Variants in CTIF observed in about 807,000 individuals in gnomAD.
CTIF encodes the protein CBP80/20-dependent translation initiation factor.
CTIF carries 21 observed loss-of-function variants against 66.0 expected under a neutral mutation model. The observed-to-expected ratio is 0.32, with a 90% CI of 0.23 to 0.46. The LOEUF (loss-of-function observed/expected upper bound fraction) is 0.46, where lower values mean the gene tolerates loss of function less well. Ranked by LOEUF, CTIF falls within the 20% of genes least tolerant of loss-of-function variation. The probability of loss-of-function intolerance (pLI) is 1.00; values close to 1 mark genes in which losing one functional copy is unlikely to be tolerated. For missense variants in CTIF, 739 were observed against 812.7 expected, an observed-to-expected ratio of 0.91 and a Z score of 1.10; for synonymous variants, 345 against 326.4, an observed-to-expected ratio of 1.06 and a Z score of -0.62.
Position 48,687,605 on chromosome 18 carries a change from C to G in CTIF, c.507+16861C>G, listed in dbSNP as rs147632387. 1.7e-3 allele frequency among the ~76,000 whole-genome samples: 260 copies of G among 152,296 alleles called. 1 individual carries two copies. The highest frequency in any genetic ancestry group is 6.2e-3 in the African/African-American group (256 of 41,558). ...GGAAAGACTCTTCCTCAGCAAGCCT[C>G]CAGAGCCCTGGGAGCAGGGCTCTTG... is the stretch of plus-strand genomic sequence containing the variant. On this transcript the variant is annotated intron_variant, in intron 6 of 11. Transcript: ENST00000256413.
chr18:48,804,888 A>G (rs1398668554), intron 9 of CTIF, among the ~76,000 whole-genome samples: 1 of 152,104 alleles, frequency 6.6e-6, no homozygotes, highest in Non-Finnish European at 1.5e-5. Context: ...AGTCCCCAGC[A>G]TCCAGGCCCC....
At chr18:48,579,213 C>T (rs994834954) in intron 1 of CTIF, among the ~76,000 whole-genome samples, 9 of 152,110 alleles carry the variant, frequency 5.9e-5, no homozygotes, top group African/African-American at 1.9e-4. Context: ...CTGCAACCTC[C>T]GCCTCCCAGG....
At chr18:48,594,030 C>G (rs1008798608) in intron 1 of CTIF, among the ~76,000 whole-genome samples, 4 of 152,176 alleles carry the variant, frequency 2.6e-5, no homozygotes, top group Non-Finnish European at 4.4e-5. Flanking sequence ...TTTACCTCTC[C>G]TGTGCCACAG....
At chr18:48,741,420 CTT>C (rs11425141) in intron 7 of CTIF, among the ~76,000 whole-genome samples, 8 of 104,816 alleles carry the variant, frequency 7.6e-5, no homozygotes, top group Non-Finnish European at 9.1e-5. Flanking sequence ...GTGACCAGGG[CTT>C]TTTTTTTTTT....
At chr18:48,768,439 C>T (rs1463011370) in intron 9 of CTIF, among the ~76,000 whole-genome samples, 1 of 152,158 alleles carries the variant, frequency 6.6e-6, no homozygotes, top group African/African-American at 2.4e-5. Context: ...GAGCACTTTC[C>T]TGTGTGTGAA....
rs35554666 is a variant in CTIF at position 48,823,976 on chromosome 18, CCACACACACA to C, written c.1527+6629_1527+6638del. Among the ~76,000 whole-genome samples, 410 of 124,216 alleles carry C rather than the reference CCACACACACA, an allele frequency of 3.3e-3. 3 individuals are homozygous for C. The highest frequency in any genetic ancestry group is 0.01 in the African/African-American group (385 of 37,072). The allele number at this position is 124,216 out of a possible 152,430, so 81.5% of individuals were successfully genotyped here. ...TTATATATAGAAAATCCTAAAGACTCCACACACACACACACACACACACACACACACACAC... is the reference window on the plus strand; with the variant it reads ...TTATATATAGAAAATCCTAAAGACTCCACACACACACACACACACACACAC... On this transcript the variant is annotated intron_variant, in intron 10 of 11. Coordinates refer to ENST00000256413, the MANE Select transcript of CTIF (RefSeq NM_014772.3).
chr18:48,776,686 G>A (rs1014382713), intron 9 of CTIF, among the ~76,000 whole-genome samples: 4 of 152,216 alleles, frequency 2.6e-5, no homozygotes, highest in African/African-American at 9.6e-5. Flanking sequence ...TGTCTGCCTC[G>A]CACAGCCCCT....
chr18:48,830,350 G>A (rs2068664106), intron 10 of CTIF, among the ~76,000 whole-genome samples: 1 of 152,078 alleles, frequency 6.6e-6, no homozygotes. Context: ...TTTTAGTAGA[G>A]ACGGGGTTTC....
intron 1 of CTIF, among the ~76,000 whole-genome samples, chr18:48,593,064 G>A (rs557464335): frequency 6.6e-6 from 1 of 152,300 alleles, no homozygotes; most frequent in African/African-American, 2.4e-5. Flanking sequence ...GTTTTCTCCT[G>A]TTCCTCTCAC....
chr18:48,767,444 CCCT>C (rs1909678933), intron 9 of CTIF, among the ~76,000 whole-genome samples: 1 of 152,124 alleles, frequency 6.6e-6, no homozygotes, highest in Non-Finnish European at 1.5e-5. Context: ...CAAGTTCAAG[CCCT>C]CCTCTGTTGA....
intron 10 of CTIF, among the ~76,000 whole-genome samples, chr18:48,830,309 G>A (rs187195605): frequency 7.2e-5 from 11 of 152,208 alleles, no homozygotes; most frequent in East Asian, 5.8e-4. Context: ...GATTACAGGC[G>A]TGTGCCACCA....
At chr18:48,710,078 T>C (rs1257375166) in intron 6 of CTIF, among the ~76,000 whole-genome samples, 1 of 152,200 alleles carries the variant, frequency 6.6e-6, no homozygotes, top group Admixed American at 6.5e-5. Flanking sequence ...ATAGCCAGGG[T>C]GGTCAGTTTC....
intron 6 of CTIF, among the ~76,000 whole-genome samples, chr18:48,698,103 TTAAAAAAAAAAAAAA>T (rs2092032378): frequency 1.6e-4 from 3 of 18,940 alleles, no homozygotes; most frequent in African/African-American, 5.2e-4. Context: ...GTAGCCATCA[TTAAAAAAAAAAAAAA>T]AAAAAAAAAA....
rs1251793800 is a variant in CTIF at position 48,848,051 on chromosome 18, G to A, written c.1528-9537G>A. On this transcript the variant is annotated intron_variant, in intron 10 of 11. Transcript: ENST00000256413. Reference sequence around the variant, plus strand: ...CTGTCCCGGAGGGTACTCCTGACGTGTAGGTGGCAACCATCCTAGAGCCCT... The same window carrying A: ...CTGTCCCGGAGGGTACTCCTGACGTATAGGTGGCAACCATCCTAGAGCCCT... Among the ~76,000 whole-genome samples, 10 of 152,194 alleles carry A rather than the reference G, an allele frequency of 6.6e-5. 1 individual carries two copies. Among genetic ancestry groups the A allele is most frequent in the Non-Finnish European group, 2.9e-5 (2 of 68,022 alleles).
At chr18:48,703,104 T>C (rs545867175) in intron 6 of CTIF, among the ~76,000 whole-genome samples, 1 of 152,288 alleles carries the variant, frequency 6.6e-6, no homozygotes, top group South Asian at 2.1e-4. Context: ...CTGCAAGTCC[T>C]GAGCTAGCAG....
At chr18:48,605,245 G>T (rs2090181424) in intron 1 of CTIF, among the ~76,000 whole-genome samples, 1 of 152,160 alleles carries the variant, frequency 6.6e-6, no homozygotes, top group South Asian at 2.1e-4. Context: ...ACATTCCCAT[G>T]AGCAGTGTTT....
intron 10 of CTIF, among the ~76,000 whole-genome samples, chr18:48,820,086 G>A (rs1444081708): frequency 1.3e-5 from 2 of 152,206 alleles, no homozygotes; most frequent in Non-Finnish European, 2.9e-5. Context: ...CTTGGGCTGA[G>A]TGTCCTGCCC....
chr18:48,702,656 T>C (rs2092099162), intron 6 of CTIF, among the ~76,000 whole-genome samples: 1 of 152,192 alleles, frequency 6.6e-6, no homozygotes, highest in South Asian at 2.1e-4. Context: ...TATTAGAACT[T>C]CAGCTAAGGT....
At chr18:48,782,887 A>G (rs1016775918) in intron 9 of CTIF, among the ~76,000 whole-genome samples, 3 of 151,506 alleles carry the variant, frequency 2.0e-5, no homozygotes, top group African/African-American at 7.3e-5. Flanking sequence ...ACCCACCCCC[A>G]CTCCACTGGC....
Sources: allele counts gnomAD v4.1 joint callset (sites outside exome capture counted in the v4.1 genomes callset), GRCh38; gene constraint gnomAD v4.1.1; transcripts MANE v1.5; gene names NCBI Gene and HGNC (gene_info 2026-07-23, HGNC 2026-07-21).